Variants in CDH12 observed in about 807,000 individuals in gnomAD.
CDH12 encodes the protein cadherin 12.
A neutral mutation model predicts 74.1 loss-of-function variants in CDH12; 41 were observed. That is an observed-to-expected ratio of 0.55 (90% CI 0.43 to 0.72). CDH12 has a LOEUF of 0.72. Among genes scored for constraint, CDH12 ranks in the 30% least tolerant of loss-of-function variants. CDH12 has a pLI of 0.00. For synonymous variants in CDH12, 399 were observed against 355.0 expected, an observed-to-expected ratio of 1.12 and a Z score of -1.39; for missense variants, 945 against 977.2, an observed-to-expected ratio of 0.97 and a Z score of 0.44.
intron 4 of CDH12, among the ~76,000 whole-genome samples, chr5:22,102,883 T>C (rs1002267456): frequency 6.6e-6 from 1 of 152,016 alleles, no homozygotes; most frequent in Admixed American, 6.6e-5. Flanking sequence ...AGCAAGAAGA[T>C]CCTCATCAGA....
intron 1 of CDH12, among the ~76,000 whole-genome samples, chr5:22,516,735 C>CA (rs2126679353): frequency 6.6e-6 from 1 of 152,136 alleles, no homozygotes; most frequent in Admixed American, 6.5e-5. Context: ...GTTGAGGCTG[C>CA]AGTGAGCCAT....
At chr5:22,677,330 C>T (rs1461130706) in intron 1 of CDH12, among the ~76,000 whole-genome samples, 5 of 151,900 alleles carry the variant, frequency 3.3e-5, no homozygotes, top group South Asian at 2.1e-4. Flanking sequence ...CCTGGGAAGT[C>T]AAAGATCAAG....
At chr5:21,887,863 G>A (rs1425087259) in intron 6 of CDH12, among the ~76,000 whole-genome samples, 2 of 152,000 alleles carry the variant, frequency 1.3e-5, no homozygotes, top group African/African-American at 2.4e-5. Context: ...AAATACTTTT[G>A]AGCAGTGCCA....
At chr5:21,941,420 CTTATT>C (rs900278273) in intron 6 of CDH12, among the ~76,000 whole-genome samples, 3 of 151,996 alleles carry the variant, frequency 2.0e-5, no homozygotes, top group Admixed American at 2.0e-4. Context: ...AAAATGATTT[CTTATT>C]TTATGAGTTG....
intron 5 of CDH12, among the ~76,000 whole-genome samples, chr5:22,035,794 T>G (rs1481050496): frequency 6.6e-6 from 1 of 151,702 alleles, no homozygotes; most frequent in Non-Finnish European, 1.5e-5. Flanking sequence ...GATTTAACAT[T>G]GTGAAAAACT....
rs539971160 is a variant in CDH12, at chr5:22,768,287, G to T, written c.-523+84771C>A. 3.9e-5 allele frequency among the ~76,000 whole-genome samples: 6 copies of T among 152,034 alleles called. No individual in the cohort carries two copies. In the South Asian group the frequency reaches 1.2e-3, roughly 32 times the overall value. On this transcript the variant is annotated intron_variant, in intron 1 of 14. Coordinates refer to ENST00000382254, the MANE Select transcript of CDH12 (RefSeq NM_004061.5). ...TGTAGTTAGATAACTCTATCCCATG[G>T]AAACTAAATATGTGTTATAATGTAT...
intron 3 of CDH12, among the ~76,000 whole-genome samples, chr5:22,257,414 T>C (rs1753357416): frequency 6.6e-6 from 1 of 151,974 alleles, no homozygotes; most frequent in Non-Finnish European, 1.5e-5. Context: ...AATATTTTTG[T>C]ACATCTGTAC....
chr5:22,545,496 C>T (rs1738276447), intron 1 of CDH12, among the ~76,000 whole-genome samples: 1 of 152,144 alleles, frequency 6.6e-6, no homozygotes, highest in South Asian at 2.1e-4. Flanking sequence ...TCAGGATACA[C>T]TTGGGGAACA....
chr5:22,188,432 C>T (rs1750089514), intron 4 of CDH12, among the ~76,000 whole-genome samples: 3 of 151,960 alleles, frequency 2.0e-5, no homozygotes, highest in South Asian at 4.2e-4. Context: ...ATTACCCAGT[C>T]AAAGGTATTC....
intron 1 of CDH12, among the ~76,000 whole-genome samples, chr5:22,554,131 A>G (rs945833473): frequency 3.9e-5 from 6 of 152,180 alleles, no homozygotes; most frequent in Non-Finnish European, 5.9e-5. Flanking sequence ...CAGTAAAAAG[A>G]TCAGGTGTTG....
intron 1 of CDH12, among the ~76,000 whole-genome samples, chr5:22,795,666 A>C (rs1422980804): frequency 6.6e-6 from 1 of 151,696 alleles, no homozygotes; most frequent in Non-Finnish European, 1.5e-5. Flanking sequence ...AGTTGAATAC[A>C]CATACAAGTC....
intron 4 of CDH12, among the ~76,000 whole-genome samples, chr5:22,159,753 A>T (rs1304760282): frequency 6.6e-6 from 1 of 152,206 alleles, no homozygotes; most frequent in Non-Finnish European, 1.5e-5. Context: ...TATCAACTGG[A>T]TGAGTTTAAA....
intron 10 of CDH12, among the ~76,000 whole-genome samples, chr5:21,801,942 G>C (rs1747133582): frequency 6.6e-6 from 1 of 151,992 alleles, no homozygotes. Flanking sequence ...GACCTCTATT[G>C]GTTATAACAC....
At chr5:21,857,598 A>G (rs577531766) in intron 6 of CDH12, among the ~76,000 whole-genome samples, 11 of 152,058 alleles carry the variant, frequency 7.2e-5, no homozygotes, top group African/African-American at 2.2e-4. Context: ...TTATAAAACT[A>G]TGATAAAGCA....
chr5:22,210,564 T>C (rs1009937862), intron 4 of CDH12, among the ~76,000 whole-genome samples: 1 of 151,826 alleles, frequency 6.6e-6, no homozygotes, highest in Non-Finnish European at 1.5e-5. Flanking sequence ...TATTGGGGAT[T>C]TGTTGTTTTT....
chr5:22,756,958 C>CAAAAA (rs11305654), intron 1 of CDH12, among the ~76,000 whole-genome samples: 10 of 143,200 alleles, frequency 7.0e-5, no homozygotes, highest in African/African-American at 2.3e-4. Flanking sequence ...GACTCCGTCT[C>CAAAAA]AAAAAAAAAA....
chr5:22,698,730 T>G (rs868602603), intron 1 of CDH12, among the ~76,000 whole-genome samples: 5,248 of 14,724 alleles, frequency 0.36, 904 homozygotes, highest in Middle Eastern at 0.55. Context: ...TATATATATA[T>G]ATATAGTGTG....
intron 6 of CDH12, among the ~76,000 whole-genome samples, chr5:21,923,122 A>G (rs1030003566): frequency 6.6e-6 from 1 of 152,154 alleles, no homozygotes; most frequent in Non-Finnish European, 1.5e-5. Context: ...TTAATGCAAT[A>G]AAGTTTTAAC....
intron 1 of CDH12, among the ~76,000 whole-genome samples, chr5:22,780,003 C>G (rs1385607893): frequency 6.6e-6 from 1 of 152,134 alleles, no homozygotes; most frequent in Non-Finnish European, 1.5e-5. Context: ...TTCTTTATAA[C>G]AGTGTAAAAA....
Sources: allele counts gnomAD v4.1 joint callset (sites outside exome capture counted in the v4.1 genomes callset), GRCh38; gene constraint gnomAD v4.1.1; transcripts MANE v1.5; gene names NCBI Gene and HGNC (gene_info 2026-07-23, HGNC 2026-07-21).